EVA1A: variants seen among roughly 807,000 people sequenced by gnomAD.
EVA1A encodes the protein protein eva-1 homolog A.
In EVA1A, 7 loss-of-function variants were observed where a neutral mutation model predicts 9.8. The observed-to-expected ratio is 0.71, with a 90% confidence interval of 0.41 to 1.34. EVA1A has a LOEUF of 1.34. Ranked by LOEUF, EVA1A falls within the 40% of genes most tolerant of loss-of-function variation. The pLI is 0.01. For missense variants in EVA1A, 206 were observed against 205.9 expected (o/e 1.00, Z 0.00); for synonymous variants, 90 against 85.6 (o/e 1.05, Z -0.28).
At chr2:75,526,770 G>A (rs559978025) in intron 1 of EVA1A, among the ~76,000 whole-genome samples, 1 of 152,210 alleles carries the variant, frequency 6.6e-6, no homozygotes, top group Non-Finnish European at 1.5e-5. Flanking sequence ...ATTGCATTTT[G>A]GTGGATCTGC....
chr2:75,565,267 C>CT (rs1249221780), upstream of EVA1A, among the ~76,000 whole-genome samples: 2 of 152,158 alleles, frequency 1.3e-5, no homozygotes, highest in Non-Finnish European at 2.9e-5. Context: ...ATCAGAATCT[C>CT]TATGAGTAGG....
At chr2:75,518,583 C>A in intron 2 of EVA1A, 1 of 991,298 alleles carries the variant, frequency 1.0e-6, no homozygotes, top group Non-Finnish European at 1.2e-6. Context: ...ATTTTCCTGA[C>A]CTTTCTCCTT....
intron 1 of EVA1A, among the ~76,000 whole-genome samples, chr2:75,523,851 C>G (rs531399543): frequency 6.6e-6 from 1 of 152,156 alleles, no homozygotes. Context: ...CCAATCGGAA[C>G]CTCTATCTTA....
chr2:75,496,347 C>T (rs1216519009), intron 3 of EVA1A, among the ~76,000 whole-genome samples: 1 of 152,094 alleles, frequency 6.6e-6, no homozygotes, highest in African/African-American at 2.4e-5. Context: ...TTTCAGGATG[C>T]AAAATCAATA....
At chr2:75,518,922 G>A (rs1675136560) in intron 2 of EVA1A, 1 of 962,702 alleles carries the variant, frequency 1.0e-6, no homozygotes, top group Non-Finnish European at 1.2e-6. Flanking sequence ...ACAGGAATTT[G>A]AGAGCTCGAG....
At chr2:75,567,045 C>G (rs1677041977) in intron 1 of EVA1A, among the ~76,000 whole-genome samples, 1 of 152,026 alleles carries the variant, frequency 6.6e-6, no homozygotes, top group African/African-American at 2.4e-5. Context: ...GACAACGGAA[C>G]TATGAAAGAT....
intron 1 of EVA1A, chr2:75,541,676 C>G (rs1472134879): frequency 6.5e-6 from 1 of 152,996 alleles, no homozygotes; most frequent in Non-Finnish European, 1.5e-5. Flanking sequence ...CCAGAGATCC[C>G]TCCAGCTCAA....
At chr2:75,518,571 T>G in intron 2 of EVA1A, 1 of 988,984 alleles carries the variant, frequency 1.0e-6, no homozygotes, top group Non-Finnish European at 1.2e-6. Context: ...CTTACATCCC[T>G]GATTTTCCTG....
chr2:75,506,296 G>T (rs1054614814), intron 3 of EVA1A, among the ~76,000 whole-genome samples: 1 of 152,196 alleles, frequency 6.6e-6, no homozygotes, highest in Non-Finnish European at 1.5e-5. Flanking sequence ...GAATCTCTGT[G>T]TCAAACAGGA....
chr2:75,536,889 A>G (rs1190745782), intron 1 of EVA1A, among the ~76,000 whole-genome samples: 1 of 152,176 alleles, frequency 6.6e-6, no homozygotes, highest in Non-Finnish European at 1.5e-5. Flanking sequence ...TTAAAGAAGA[A>G]TTAGCACCAC....
At chr2:75,507,408 C>G (rs796145407) in intron 3 of EVA1A, among the ~76,000 whole-genome samples, 1 of 152,156 alleles carries the variant, frequency 6.6e-6, no homozygotes, top group African/African-American at 2.4e-5. Flanking sequence ...TATTCAGGCC[C>G]CAGGCAAGAG....
At chr2:75,508,639 T>G (rs1444823347) in intron 3 of EVA1A, among the ~76,000 whole-genome samples, 2 of 152,090 alleles carry the variant, frequency 1.3e-5, no homozygotes, top group Non-Finnish European at 2.9e-5. Context: ...CCTTGTGATA[T>G]TCTATTACCT....
intron 1 of EVA1A, among the ~76,000 whole-genome samples, chr2:75,531,833 C>T (rs1675662392): frequency 6.6e-6 from 1 of 152,092 alleles, no homozygotes; most frequent in African/African-American, 2.4e-5. Flanking sequence ...GTGATACTTG[C>T]ACCAAAATCT....
At chr2:75,500,953 A>C (rs899209307) in intron 3 of EVA1A, among the ~76,000 whole-genome samples, 6 of 151,440 alleles carry the variant, frequency 4.0e-5, no homozygotes, top group Admixed American at 3.9e-4. Context: ...TCCACCTTCA[A>C]TTAATTTTGC....
At chr2:75,546,134 G>A (rs1364635909) in intron 1 of EVA1A, among the ~76,000 whole-genome samples, 1 of 152,142 alleles carries the variant, frequency 6.6e-6, no homozygotes, top group Non-Finnish European at 1.5e-5. Flanking sequence ...GTTCTGCAAG[G>A]GAGCTCAGAC....
At chr2:75,506,932 C>T (rs1273481018) in intron 3 of EVA1A, among the ~76,000 whole-genome samples, 1 of 152,194 alleles carries the variant, frequency 6.6e-6, no homozygotes, top group African/African-American at 2.4e-5. Context: ...GCAAGAACTG[C>T]AGAGGAAGAA....
chr2:75,553,637 C>T (rs1439801073), intron 1 of EVA1A, among the ~76,000 whole-genome samples: 1 of 152,198 alleles, frequency 6.6e-6, no homozygotes, highest in African/African-American at 2.4e-5. Flanking sequence ...AGCACATTAG[C>T]ACACCCACAG....
chr2:75,544,970 T>A (rs182638835), intron 1 of EVA1A, among the ~76,000 whole-genome samples: 2 of 152,324 alleles, frequency 1.3e-5, no homozygotes, highest in Admixed American at 6.5e-5. Context: ...GAGGCTACAG[T>A]GTTCATCCCA....
chr2:75,547,763 C>T (rs555304671), intron 1 of EVA1A, among the ~76,000 whole-genome samples: 15 of 152,308 alleles, frequency 9.8e-5, no homozygotes, highest in African/African-American at 3.6e-4. Context: ...CCATTCTCTC[C>T]CCATCCTCCA....
Sources: gnomAD v4.1 joint callset for allele counts (sites outside exome capture counted in the v4.1 genomes callset) on GRCh38, gnomAD v4.1.1 for gene constraint, MANE v1.5 for transcripts, NCBI Gene and HGNC (gene_info 2026-07-23, HGNC 2026-07-21) for gene names.